Variants in RBFOX1 observed in about 807,000 individuals in gnomAD.
RBFOX1 encodes RNA binding fox-1 homolog 1.
Under a neutral mutation model 57.7 loss-of-function variants are expected in RBFOX1, and 8 were observed. The ratio of observed to expected loss-of-function variants is 0.14; its 90% CI spans 0.08 to 0.25. The LOEUF (loss-of-function observed/expected upper bound fraction) is 0.25. Among genes scored for constraint, RBFOX1 ranks in the 10% least tolerant of loss-of-function variants. The pLI is 1.00. For missense variants in RBFOX1, 611 were observed against 548.5 expected (o/e 1.11, Z -1.14); for synonymous variants, 326 against 222.4 (o/e 1.47, Z -4.15).
chr16:6,644,199 C>T (rs186202234), intron 2 of RBFOX1, among the ~76,000 whole-genome samples: 4 of 152,270 alleles, frequency 2.6e-5, no homozygotes, highest in East Asian at 1.9e-4. Flanking sequence ...TATTCAGTGA[C>T]TTGTCTTAAA....
intron 2 of RBFOX1, among the ~76,000 whole-genome samples, chr16:6,567,122 C>G (rs1251185835): frequency 6.6e-6 from 1 of 152,176 alleles, no homozygotes; most frequent in Non-Finnish European, 1.5e-5. Context: ...GTCCAGATTT[C>G]TCTGCATCGC....
At chr16:7,035,014 AT>A (rs141290188) in intron 3 of RBFOX1, among the ~76,000 whole-genome samples, 10,636 of 150,000 alleles carry the variant, frequency 0.071, 666 homozygotes, top group East Asian at 0.32. Flanking sequence ...TGCCTGGCTA[AT>A]TTTTGTATTT....
chr16:6,494,218 A>G (rs1256448083), intron 2 of RBFOX1, among the ~76,000 whole-genome samples: 1 of 152,126 alleles, frequency 6.6e-6, no homozygotes, highest in Non-Finnish European at 1.5e-5. Flanking sequence ...ACCTTATTTG[A>G]ATTTCCCTAA....
chr16:6,585,629 A>G (rs2097599104), intron 2 of RBFOX1, among the ~76,000 whole-genome samples: 1 of 152,150 alleles, frequency 6.6e-6, no homozygotes, highest in Non-Finnish European at 1.5e-5. Flanking sequence ...TGGTTAGATC[A>G]ATGACATAGA....
chr16:6,271,314 C>T (rs1336993696), intron 1 of RBFOX1, among the ~76,000 whole-genome samples: 1 of 152,084 alleles, frequency 6.6e-6, no homozygotes, highest in East Asian at 1.9e-4. Flanking sequence ...GTCCCAGCTA[C>T]TGGGGAGGTT....
At chr16:6,926,345 A>T (rs1365894129) in intron 3 of RBFOX1, among the ~76,000 whole-genome samples, 1 of 152,122 alleles carries the variant, frequency 6.6e-6, no homozygotes, top group Non-Finnish European at 1.5e-5. Flanking sequence ...TTTGGCAGTG[A>T]CTGGGTACAC....
At chr16:6,601,122 C>G (rs926285501) in intron 2 of RBFOX1, among the ~76,000 whole-genome samples, 3 of 152,176 alleles carry the variant, frequency 2.0e-5, no homozygotes, top group African/African-American at 4.8e-5. Flanking sequence ...CCCCTTTAGC[C>G]TAGTTGTAAA....
intron 2 of RBFOX1, among the ~76,000 whole-genome samples, chr16:6,607,902 G>A (rs2097966392): frequency 6.6e-6 from 1 of 152,074 alleles, no homozygotes; most frequent in African/African-American, 2.4e-5. Context: ...CTTGTTTCTG[G>A]AGTTGGCAAC....
At chr16:6,883,514 G>T (rs1384830883) in intron 3 of RBFOX1, among the ~76,000 whole-genome samples, 3 of 152,174 alleles carry the variant, frequency 2.0e-5, no homozygotes, top group African/African-American at 7.2e-5. Flanking sequence ...CTTATAACTT[G>T]TTGTGTAAAG....
chr16:6,613,789 T>G (rs1249076798), intron 2 of RBFOX1, among the ~76,000 whole-genome samples: 1 of 152,110 alleles, frequency 6.6e-6, no homozygotes, highest in Non-Finnish European at 1.5e-5. Flanking sequence ...ATATAAAAAA[T>G]TAGCCGGGTG....
intron 1 of RBFOX1, among the ~76,000 whole-genome samples, chr16:5,444,252 A>T (rs1205492662): frequency 6.6e-6 from 1 of 152,186 alleles, no homozygotes; most frequent in South Asian, 2.1e-4. Flanking sequence ...AAAACTGCAG[A>T]TTGGCTGCCT....
chr16:6,228,210 G>A (rs28474761), intron 1 of RBFOX1, among the ~76,000 whole-genome samples: 11 of 152,018 alleles, frequency 7.2e-5, no homozygotes, highest in Admixed American at 2.6e-4. Context: ...ACTCGGGGCC[G>A]GGGGAGCAGT....
intron 3 of RBFOX1, among the ~76,000 whole-genome samples, chr16:6,771,826 G>C (rs1380909447): frequency 6.6e-6 from 1 of 152,146 alleles, no homozygotes; most frequent in East Asian, 1.9e-4. Flanking sequence ...CCAAGACTGA[G>C]AGTTCCTGAT....
intron 1 of RBFOX1, among the ~76,000 whole-genome samples, chr16:5,308,357 A>G (rs989291342): frequency 1.3e-5 from 2 of 150,352 alleles, no homozygotes; most frequent in African/African-American, 4.9e-5. Flanking sequence ...AAAAAAAATC[A>G]CTTTCTGCCT....
At chr16:5,504,531 C>A (rs929402267) in intron 2 of RBFOX1, among the ~76,000 whole-genome samples, 1 of 152,248 alleles carries the variant, frequency 6.6e-6, no homozygotes, top group African/African-American at 2.4e-5. Flanking sequence ...CACAGATAGG[C>A]TCTGCTGACG....
At chr16:7,319,513 C>T (rs533049515) in intron 4 of RBFOX1, among the ~76,000 whole-genome samples, 13 of 152,224 alleles carry the variant, frequency 8.5e-5, no homozygotes, top group African/African-American at 3.1e-4. Context: ...AGTTTGGAGA[C>T]TGTACAATCT....
intron 2 of RBFOX1, among the ~76,000 whole-genome samples, chr16:5,497,757 C>G (rs2043052028): frequency 1.3e-5 from 2 of 152,118 alleles, no homozygotes; most frequent in South Asian, 4.1e-4. Context: ...GCACTCCAGC[C>G]TGGACAACAG....
At chr16:6,800,160 G>A (rs893052395) in intron 3 of RBFOX1, among the ~76,000 whole-genome samples, 23 of 151,978 alleles carry the variant, frequency 1.5e-4, no homozygotes, top group African/African-American at 4.8e-4. Context: ...ATTTCTTTGC[G>A]ACATCCAGTT....
chr16:6,108,759 C>T (rs1343366885), intron 1 of RBFOX1, among the ~76,000 whole-genome samples: 1 of 152,118 alleles, frequency 6.6e-6, no homozygotes, highest in East Asian at 1.9e-4. Flanking sequence ...GGGTGCTGCC[C>T]TTGACTGGCT....
Sources: allele counts gnomAD v4.1 joint callset (sites outside exome capture counted in the v4.1 genomes callset), GRCh38; gene constraint gnomAD v4.1.1; transcripts MANE v1.5; gene names NCBI Gene and HGNC (gene_info 2026-07-23, HGNC 2026-07-21).